C2CD4D: variants seen among roughly 807,000 people sequenced by gnomAD.
C2CD4D encodes C2 calcium-dependent domain-containing protein 4D.
Under a neutral mutation model 0.2 loss-of-function variants are expected in C2CD4D, and 1 was observed. That is an observed-to-expected ratio of 4.00 (90% CI 1.42 to 18.99). The LOEUF is 18.99. C2CD4D is among the 30% of genes most tolerant of loss of function. C2CD4D has a pLI of 0.11. For missense variants in C2CD4D, 552 were observed against 551.2 expected, an observed-to-expected ratio of 1.00 and a Z score of -0.01; for synonymous variants, 269 against 279.8, an observed-to-expected ratio of 0.96 and a Z score of 0.39.
chr1:151,838,898 GC>G lies in C2CD4D; in HGVS notation c.91del (p.Ala31ProfsTer208). On this transcript the variant is annotated frameshift_variant, in exon 2 of 2. Transcript: ENST00000454109. LOFTEE classifies it low-confidence loss of function (END_TRUNC). ...GCAGGCGCTTGTGGGCGGGCCCGGG[GC>G]GCGACGCTTGGAGAACAGGCCGGAA... 6.5e-7 allele frequency: 1 copy of G among 1,547,342 alleles called. No individual in the cohort carries two copies. The highest frequency in any genetic ancestry group is 8.7e-7 in the Non-Finnish European group (1 of 1,145,352).
exon 2 of C2CD4D, chr1:151,838,332 G>C: frequency 7.1e-7 from 1 of 1,413,318 alleles, no homozygotes; most frequent in East Asian, 3.1e-5. Flanking sequence ...AGCCGCAGCT[G>C]CCCGCCGCGG....
At chr1:151,838,410 G>A in exon 2 of C2CD4D, 1 of 1,435,116 alleles carries the variant, frequency 7.0e-7, no homozygotes, top group Non-Finnish European at 9.1e-7. Flanking sequence ...AGGTGGAAGA[G>A]CGGCGGCGTG....
rs948821833 is a variant in C2CD4D at position 151,838,130 on chromosome 1, T to C, written c.860A>G (p.Asn287Ser). The change falls in exon 2 of 2, where the codon AAC (asparagine) becomes AGC (serine). Residue 287 changes from asparagine to serine, a missense_variant. Physicochemically the swap from Asn to Ser is conservative, Grantham distance 46. Transcript: ENST00000454109. ...GAGCCCGTCGAAAAAGAAATCCTCG[T>C]TGAAGATGGGGTTGGCGCTGCACTT... 40 of 1,551,230 alleles carry C rather than the reference T, an allele frequency of 2.6e-5. No homozygotes were observed. Among genetic ancestry groups the C allele is most frequent in the Non-Finnish European group, 3.4e-5 (39 of 1,146,834 alleles).
intron 1 of C2CD4D, among the ~76,000 whole-genome samples, 23 bp downstream of exon 1, chr1:151,839,641 C>T (rs1437959178): frequency 2.6e-5 from 4 of 152,140 alleles, no homozygotes; most frequent in Admixed American, 1.3e-4. Context: ...CCTCGAGTCG[C>T]TCCAAGCCAG....
exon 2 of C2CD4D, chr1:151,838,963 A>G (rs1019109809): frequency 3.2e-6 from 5 of 1,550,022 alleles, no homozygotes; most frequent in African/African-American, 1.4e-5. Flanking sequence ...CCCCCACCTT[A>G]TAGCCAGCTT....
exon 2 of C2CD4D, chr1:151,838,700 C>A: frequency 7.3e-7 from 1 of 1,374,402 alleles, no homozygotes; most frequent in Non-Finnish European, 9.4e-7. Context: ...CGTGTGCGGG[C>A]TCTCGGGCAG....
chr1:151,838,399 C>T (rs897362088), exon 2 of C2CD4D: 1 of 1,439,972 alleles, frequency 6.9e-7, no homozygotes, highest in Admixed American at 2.8e-5. Context: ...ACAGGAAGTC[C>T]AGGTGGAAGA....
chr1:151,837,973 T>A (rs1463168452), exon 2 of C2CD4D: 2 of 1,548,362 alleles, frequency 1.3e-6, no homozygotes, highest in East Asian at 2.5e-5. Context: ...CGGGACCTAG[T>A]CCCCCACCCA....
chr1:151,838,687 G>A, exon 2 of C2CD4D: 1 of 1,374,668 alleles, frequency 7.3e-7, no homozygotes, highest in Non-Finnish European at 9.4e-7. Flanking sequence ...ATTCCCGCCG[G>A]CGCGTGTGCG....
Position 151,838,434 on chromosome 1 carries a change from G to T in C2CD4D, c.556C>A (p.Arg186Ser), listed in dbSNP as rs912025508. 1.2e-5 allele frequency: 17 copies of T among 1,419,564 alleles called. No individual in the cohort carries two copies. The highest frequency in any genetic ancestry group is 7.5e-5 in the African/African-American group (5 of 66,704). 87.9% of individuals were successfully genotyped at this position (1,419,564 alleles called of 1,614,324 possible). The change falls in exon 2 of 2, where the codon CGC becomes AGC. Residue 186 changes from arginine (R) to serine (S), a missense_variant. Physicochemically the swap from Arg to Ser is moderately radical, Grantham distance 110. Coordinates refer to ENST00000454109, the Ensembl canonical transcript of C2CD4D. ...AGCGGCGGCGTGGGCGGCCCGGCGC[G>T]GCGCGGCGAGTGCGGGCTGGTATCG...
rs1213011626 is a variant in C2CD4D at position 151,838,337 on chromosome 1, C to T, written c.653G>A (p.Gly218Asp). The change falls in exon 2 of 2, where the codon GGC (glycine) becomes GAC (aspartate). Residue 218 changes from glycine (G) to aspartate (D), a missense_variant. Gly to Asp is a moderately conservative substitution (Grantham distance 94, BLOSUM62 -1). Coordinates refer to ENST00000454109, the Ensembl canonical transcript of C2CD4D. ...TTCGGTGGAGAGCCGCAGCTGCCCG[C>T]CGCGGGGCCCCAGGCGCAGCACGCT... 11 of 1,415,964 alleles carry T rather than the reference C, an allele frequency of 7.8e-6. No individual in the cohort carries two copies. In the East Asian group the frequency reaches 2.5e-4, roughly 32 times the overall value. The allele number at this position is 1,415,964 out of a possible 1,614,324, so 87.7% of individuals were successfully genotyped here.
At chr1:151,839,857 C>T (rs1652732255) in intron 1 of C2CD4D, among the ~76,000 whole-genome samples, 37 bp from the exon 1 acceptor site, 1 of 152,220 alleles carries the variant, frequency 6.6e-6, no homozygotes, top group Non-Finnish European at 1.5e-5. Context: ...GCCCCTCCTA[C>T]TCTCCACTCC....
At position 151,838,854 on chromosome 1, in the gene C2CD4D, C is replaced by T. The variant is rs1052103219; in HGVS notation, c.136G>A (p.Asp46Asn). ...GGGATGAAGAACTGCGGGATGCGAT[C>T]CGGGGTGAGGACGTTGGGGCAGGCG... The change falls in exon 2 of 2, where the codon GAT becomes AAT. Residue 46 changes from aspartate to asparagine, a missense_variant. Asp to Asn is a conservative substitution (Grantham distance 23). Transcript: ENST00000454109. The T allele has an allele frequency of 2.9e-5, 44 of 1,527,636 alleles. No individual in the cohort carries two copies. The highest frequency in any genetic ancestry group is 4.3e-5 in the African/African-American group (3 of 70,180). The allele number at this position is 1,527,636 out of a possible 1,614,324, so 94.6% of individuals were successfully genotyped here.
In C2CD4D at chr1:151,839,934, C is replaced by G. The variant is rs931664211; in HGVS notation, c.-232+269G>C. 2.2e-4 allele frequency among the ~76,000 whole-genome samples: 33 copies of G among 152,306 alleles called. No individual in the cohort carries two copies. The East Asian group carries it at 5.8e-3, about 27-fold the overall frequency. On this transcript the variant is annotated intron_variant, in intron 1 of 1. Transcript: ENST00000454109. Reference sequence around the variant, plus strand: ...TTCTCCGCCACCCTCAGAGCGGTCTCCGGAAGGCTCCGCCACCACGCGCTC... The same window carrying G: ...TTCTCCGCCACCCTCAGAGCGGTCTGCGGAAGGCTCCGCCACCACGCGCTC...
exon 2 of C2CD4D, chr1:151,837,972 G>A (rs1361780795): frequency 6.5e-6 from 10 of 1,548,752 alleles, no homozygotes; most frequent in Non-Finnish European, 8.7e-6. Flanking sequence ...CCGGGACCTA[G>A]TCCCCCACCC....
chr1:151,837,874 A>T, exon 2 of C2CD4D: 1 of 1,440,588 alleles, frequency 6.9e-7, no homozygotes, highest in Non-Finnish European at 9.2e-7. Flanking sequence ...CAGGGTGGAA[A>T]GAATGTGGAC....
At chr1:151,838,412 G>T in exon 2 of C2CD4D, 2 of 1,430,184 alleles carry the variant, frequency 1.4e-6, no homozygotes, top group Middle Eastern at 1.9e-4. Context: ...GTGGAAGAGC[G>T]GCGGCGTGGG....
intron 1 of C2CD4D, among the ~76,000 whole-genome samples, 160 bp from the exon 2 acceptor site, chr1:151,839,380 T>C (rs1385156249): frequency 6.6e-6 from 1 of 152,190 alleles, no homozygotes; most frequent in Non-Finnish European, 1.5e-5. Flanking sequence ...AGGGTACTAT[T>C]AGGACAAATA....
exon 2 of C2CD4D, chr1:151,838,307 T>C (rs1184198131): frequency 4.3e-6 from 6 of 1,392,470 alleles, no homozygotes; most frequent in Non-Finnish European, 5.6e-6. Context: ...GGGCCCGGCC[T>C]GATATTCGGT....
Sources: gnomAD v4.1 joint callset for allele counts (sites outside exome capture counted in the v4.1 genomes callset) on GRCh38, gnomAD v4.1.1 for gene constraint, MANE v1.5 for transcripts, NCBI Gene and HGNC (gene_info 2026-07-23, HGNC 2026-07-21) for gene names.